PES1: variants seen among roughly 807,000 people sequenced by gnomAD.
PES1 encodes pescadillo homolog.
Under a neutral mutation model 77.1 loss-of-function variants are expected in PES1, and 31 were observed. The ratio of observed to expected loss-of-function variants is 0.40; its 90% CI spans 0.30 to 0.54. PES1 has a LOEUF of 0.54. PES1 is among the 20% of genes least tolerant of loss of function. PES1 has a pLI of 0.45. For synonymous variants in PES1, 282 were observed against 303.0 expected (o/e 0.93, Z 0.72); for missense variants, 658 against 771.7 (o/e 0.85, Z 1.75).
At chr22:30,596,034 G>A (rs11914005), upstream of PES1, among the ~76,000 whole-genome samples, 25,547 of 152,108 alleles carry the variant, frequency 0.17, 2,259 homozygotes, top group African/African-American at 0.19. Context: ...TGGGACGCTA[G>A]CTGGCTACAT....
chr22:30,586,538 C>T (rs1319551932), intron 4 of PES1, among the ~76,000 whole-genome samples: 1 of 152,186 alleles, frequency 6.6e-6, no homozygotes, highest in Admixed American at 6.5e-5. Context: ...ACTACTATAG[C>T]GTATTTAGCA....
upstream of PES1, chr22:30,591,993 G>A: frequency 7.3e-7 from 1 of 1,375,578 alleles, no homozygotes; most frequent in Non-Finnish European, 9.4e-7. Context: ...GAAAGATGGG[G>A]ATTTCCTCCT....
intron 2 of PES1, among the ~76,000 whole-genome samples, chr22:30,598,912 T>TTTTTTTTTTTTTTTTTA (rs761643665): frequency 1.7e-5 from 2 of 116,428 alleles, no homozygotes; most frequent in African/African-American, 3.4e-5. Context: ...TTTTTTTTTT[T>TTTTTTTTTTTTTTTTTA]TTGAGATGGA....
chr22:30,597,876 A>ATTTTTTTTTTTTTTT (rs1210779167), intron 2 of PES1, among the ~76,000 whole-genome samples: 9 of 125,158 alleles, frequency 7.2e-5, no homozygotes, highest in African/African-American at 2.5e-4. Flanking sequence ...ACGCAGTTGA[A>ATTTTTTTTTTTTTTT]GTTTTGTTTT....
intron 2 of PES1, among the ~76,000 whole-genome samples, chr22:30,603,067 G>A (rs1485320148): frequency 6.6e-6 from 1 of 151,580 alleles, no homozygotes; most frequent in Non-Finnish European, 1.5e-5. Flanking sequence ...CCCACCACCA[G>A]GCGCAGCTAA....
intron 4 of PES1, chr22:30,585,474 A>G (rs1220193489): frequency 3.0e-6 from 1 of 337,184 alleles, no homozygotes; most frequent in East Asian, 8.7e-5. Flanking sequence ...CTCTTCATTT[A>G]CAACTGGGCT....
At position 30,577,028 on chromosome 22, in the gene PES1, G is replaced by C; in HGVS notation, c.*18C>G. The C allele has an allele frequency of 6.2e-7, 1 of 1,607,880 alleles. No individual in the cohort carries two copies. The highest frequency in any genetic ancestry group is 8.5e-7 in the Non-Finnish European group (1 of 1,175,106). ...GCTGCTAGGGGCTGGCCTCAGCCCT[G>C]TGAGGGGCCGCAGGCACTCACTCCG... On this transcript the variant is annotated 3_prime_UTR_variant, in exon 15 of 15. Coordinates refer to ENST00000354694, the MANE Select transcript of PES1 (RefSeq NM_014303.4).
chr22:30,588,218 G>C, intron 2 of PES1, 44 bp from the exon 3 acceptor site: 1 of 1,612,728 alleles, frequency 6.2e-7, no homozygotes, highest in Non-Finnish European at 8.5e-7. Flanking sequence ...TGTGGGTAAA[G>C]GTGGGGAGCA....
chr22:30,584,806 G>A (rs542042315), intron 4 of PES1, 89 bp from the exon 5 acceptor site: 61 of 1,374,758 alleles, frequency 4.4e-5, no homozygotes, highest in Admixed American at 1.4e-4. Flanking sequence ...CAGATGCCCC[G>A]TTCCTCAAGC....
At chr22:30,594,843 G>A (rs62227015), upstream of PES1, among the ~76,000 whole-genome samples, 1,357 of 152,164 alleles carry the variant, frequency 8.9e-3, 10 homozygotes, top group Admixed American at 0.013. Context: ...TGGTGTGGTA[G>A]TGTGTACCTG....
chr22:30,591,646 T>C, intron 1 of PES1, 164 bp downstream of exon 1: 2 of 703,720 alleles, frequency 2.8e-6, no homozygotes, highest in Non-Finnish European at 4.5e-6. Context: ...AAACGAATAC[T>C]GCCATCCTTG....
chr22:30,579,071 T>G, intron 13 of PES1, 66 bp downstream of exon 13: 1 of 1,603,698 alleles, frequency 6.2e-7, no homozygotes, highest in Non-Finnish European at 8.5e-7. Flanking sequence ...CCTGACCTTC[T>G]AGGCCAGAGC....
exon 1 of PES1, chr22:30,606,936 G>A (rs939735134): frequency 1.9e-5 from 20 of 1,048,960 alleles, no homozygotes; most frequent in Non-Finnish European, 2.2e-5. Context: ...GGAACAGCTG[G>A]GGGGACAGCA....
chr22:30,600,058 T>G (rs2087330875), intron 2 of PES1, among the ~76,000 whole-genome samples: 1 of 149,856 alleles, frequency 6.7e-6, no homozygotes, highest in Admixed American at 6.6e-5. Flanking sequence ...AGGGCCAGGC[T>G]AGGTGGCTCA....
chr22:30,585,199 C>T lies in PES1; in HGVS notation c.369-482G>A, dbSNP rs557097792. 6.6e-4 allele frequency: 304 copies of T among 463,614 alleles called. 3 individuals are homozygous for T. The highest frequency in any genetic ancestry group is 4.5e-3 in the South Asian group (291 of 64,072). The allele number at this position is 463,614 out of a possible 1,614,324, so 28.7% of individuals were successfully genotyped here. ...ACTGGGCCTGGCCACCGGTCGCCAGCGTAGGTTATGTCTTCCATGCCTCTC... is the reference window on the plus strand; with the variant it reads ...ACTGGGCCTGGCCACCGGTCGCCAGTGTAGGTTATGTCTTCCATGCCTCTC... On this transcript the variant is annotated intron_variant, in intron 4 of 14. Coordinates refer to ENST00000354694, the MANE Select transcript of PES1 (RefSeq NM_014303.4).
chr22:30,585,836 G>A (rs1008247325), intron 4 of PES1, among the ~76,000 whole-genome samples: 1 of 152,058 alleles, frequency 6.6e-6, no homozygotes, highest in Non-Finnish European at 1.5e-5. Context: ...ATCACTCACT[G>A]CTGCGAGTCA....
chr22:30,584,796 C>T lies in PES1; in HGVS notation c.369-79G>A, dbSNP rs1329657328. On this transcript the variant is annotated intron_variant, in intron 4 of 14. Coordinates refer to ENST00000354694, the MANE Select transcript of PES1 (RefSeq NM_014303.4). Reference sequence around the variant, plus strand: ...GGACCCTGATCTCCTTATCCCACCCCAGATGCCCCGTTCCTCAAGCCAGGC... The same window carrying T: ...GGACCCTGATCTCCTTATCCCACCCTAGATGCCCCGTTCCTCAAGCCAGGC... The T allele has an allele frequency of 4.9e-6, 7 of 1,442,466 alleles. No individual in the cohort carries two copies. In the African/African-American group the frequency reaches 8.4e-5, roughly 17 times the overall value. The allele number at this position is 1,442,466 out of a possible 1,614,324, so 89.4% of individuals were successfully genotyped here. A position where few individuals can be genotyped will look rare whatever the true frequency, so the allele number is the denominator to read the frequency against.
upstream of PES1, among the ~76,000 whole-genome samples, chr22:30,594,755 G>A (rs2087231262): frequency 6.6e-6 from 1 of 151,952 alleles, no homozygotes; most frequent in Non-Finnish European, 1.5e-5. Context: ...GATCACTTGA[G>A]CCCAGGAGTT....
intron 2 of PES1, among the ~76,000 whole-genome samples, chr22:30,598,940 A>T (rs2087311740): frequency 1.2e-5 from 1 of 84,736 alleles, no homozygotes; most frequent in Non-Finnish European, 2.1e-5. Flanking sequence ...TCTGTCATCC[A>T]GGCTAGAGTG....
Sources: allele counts gnomAD v4.1 joint callset (sites outside exome capture counted in the v4.1 genomes callset), GRCh38; gene constraint gnomAD v4.1.1; transcripts MANE v1.5; gene names NCBI Gene and HGNC (gene_info 2026-07-23, HGNC 2026-07-21).